PTPRB: variants seen among roughly 807,000 people sequenced by gnomAD.
The protein encoded by PTPRB is receptor-type tyrosine-protein phosphatase beta.
In PTPRB, 97 loss-of-function variants were observed where a neutral mutation model predicts 238.1. The observed-to-expected ratio is 0.41, with a 90% CI of 0.35 to 0.48. PTPRB has a LOEUF of 0.48. Ranked by LOEUF, PTPRB falls within the 20% of genes least tolerant of loss-of-function variation. The probability of loss-of-function intolerance (pLI) is 0.30; values close to 1 mark genes in which losing one functional copy is unlikely to be tolerated. For synonymous variants in PTPRB, 970 were observed against 995.4 expected (o/e 0.97, Z 0.48); for missense variants, 2,292 against 2,681.9 (o/e 0.85, Z 3.21).
intron 7 of PTPRB, 28 bp downstream of exon 7, chr12:70,592,253 CA>C: frequency 1.2e-6 from 2 of 1,613,798 alleles, no homozygotes; most frequent in Non-Finnish European, 1.7e-6. Flanking sequence ...TTTGAGCAAC[CA>C]AGGAACATTC....
At chr12:70,623,999 A>G (rs1885062189) in intron 2 of PTPRB, among the ~76,000 whole-genome samples, 1 of 152,220 alleles carries the variant, frequency 6.6e-6, no homozygotes, top group Non-Finnish European at 1.5e-5. Context: ...CAAGATATAA[A>G]TATCAGCAGT....
chr12:70,528,248 C>T (rs1223386122), intron 32 of PTPRB, among the ~76,000 whole-genome samples: 3 of 152,088 alleles, frequency 2.0e-5, no homozygotes, highest in African/African-American at 2.4e-5. Context: ...GTGGCTAGTA[C>T]GATGACATGA....
chr12:70,530,763 A>AGAT (rs1873117589), intron 32 of PTPRB, among the ~76,000 whole-genome samples: 1 of 152,104 alleles, frequency 6.6e-6, no homozygotes, highest in South Asian at 2.1e-4. Flanking sequence ...TTTTTTGTGG[A>AGAT]GATGGGCTCT....
chr12:70,565,150 T>C (rs1879121784), intron 15 of PTPRB, among the ~76,000 whole-genome samples: 1 of 152,186 alleles, frequency 6.6e-6, no homozygotes, highest in African/African-American at 2.4e-5. Context: ...TCTCCTCACT[T>C]CTGGTTCATT....
rs1449431990 is a variant in PTPRB at position 70,534,527 on chromosome 12, T to G, written c.6329A>C (p.Asn2110Thr). ...QFVRTVRDYI[N>T]RSPGAGPTVV... ...AGTGGGCCCAGCACCCGGGCTTCTG[T>G]TGATGTAGTCCCTGACAGTTCTCAC... The change falls in exon 31 of 34, where the codon AAC becomes ACC. Residue 2110 changes from asparagine to threonine, a missense_variant. Physicochemically the swap from Asn to Thr is moderately conservative, Grantham distance 65 (BLOSUM62 0). Coordinates refer to ENST00000334414, the MANE Select transcript of PTPRB (RefSeq NM_001109754.4). 32 of 1,613,258 alleles carry G rather than the reference T, an allele frequency of 2.0e-5. No homozygotes were observed. Among genetic ancestry groups the G allele is most frequent in the Non-Finnish European group, 2.5e-5 (30 of 1,179,746 alleles).
chr12:70,525,417 T>C (rs1045635157), intron 32 of PTPRB: 1 of 152,204 alleles, frequency 6.6e-6, no homozygotes, highest in Non-Finnish European at 1.5e-5. Flanking sequence ...GTTAGTTCTT[T>C]GAGTGCAAGG....
intron 2 of PTPRB, among the ~76,000 whole-genome samples, chr12:70,625,888 G>T (rs564328291): frequency 1.3e-4 from 20 of 152,208 alleles, no homozygotes; most frequent in African/African-American, 4.6e-4. Flanking sequence ...CATTTAAGTT[G>T]CATAAAGCTC....
intron 29 of PTPRB, among the ~76,000 whole-genome samples, chr12:70,535,541 A>G (rs536890593): frequency 4.6e-5 from 7 of 152,212 alleles, no homozygotes; most frequent in Non-Finnish European, 7.4e-5. Flanking sequence ...CTCTCTTTTA[A>G]TCCTCAATCT....
intron 23 of PTPRB, chr12:70,540,230 T>C (rs1874848004): frequency 4.2e-6 from 2 of 478,644 alleles, no homozygotes; most frequent in Non-Finnish European, 7.3e-6. Flanking sequence ...CTGCAAAAAC[T>C]GAAGATTTGT....
chr12:70,635,708 C>T lies in PTPRB; in HGVS notation c.414G>A (p.Glu138=), dbSNP rs764689125. Residue 138 remains glutamate (E), a synonymous_variant, in exon 2 of 34, where the codon GAG becomes GAA. Coordinates refer to ENST00000334414, the MANE Select transcript of PTPRB (RefSeq NM_001109754.4). ...HSWMKIDVNK[E]GKLVNESLCL... is the part of the protein sequence containing the mutation. ...AGAGGCTTTCATTGACCAGTTTTCCCTCCTTGTTGACATCTATTTTCATCC... is the reference window on the plus strand; with the variant it reads ...AGAGGCTTTCATTGACCAGTTTTCCTTCCTTGTTGACATCTATTTTCATCC... 2 of 1,613,936 alleles carry T rather than the reference C, an allele frequency of 1.2e-6. No homozygotes were observed. Among genetic ancestry groups the T allele is most frequent in the South Asian group, 2.2e-5 (2 of 91,076 alleles).
chr12:70,529,062 C>CAAAG (rs1360889479), intron 32 of PTPRB, among the ~76,000 whole-genome samples: 2 of 151,808 alleles, frequency 1.3e-5, no homozygotes, highest in East Asian at 1.9e-4. Context: ...GAGAATATCA[C>CAAAG]AAAGAATGAA....
intron 4 of PTPRB, among the ~76,000 whole-genome samples, chr12:70,607,760 C>T (rs976153994): frequency 6.6e-6 from 1 of 151,820 alleles, no homozygotes; most frequent in Non-Finnish European, 1.5e-5. Flanking sequence ...GCCATGTTGA[C>T]CAAGGTGGTC....
At chr12:70,540,062 A>G in intron 23 of PTPRB, 40 bp from the exon 24 acceptor site, 2 of 1,515,094 alleles carry the variant, frequency 1.3e-6, no homozygotes, top group Non-Finnish European at 1.8e-6. Context: ...TGATTATGAT[A>G]CTTGGCTTGA....
chr12:70,560,189 G>A lies in PTPRB; in HGVS notation c.4432+482C>T, dbSNP rs1878301829. Among the ~76,000 whole-genome samples, 1 of 152,142 alleles carries A rather than the reference G, an allele frequency of 6.6e-6. No individual in the cohort carries two copies. Among genetic ancestry groups the A allele is most frequent in the African/African-American group, 2.4e-5 (1 of 41,434 alleles). On this transcript the variant is annotated intron_variant, in intron 17 of 33. Coordinates refer to ENST00000334414, the MANE Select transcript of PTPRB (RefSeq NM_001109754.4). The surrounding 1 kb of genome is among the most constrained non-coding windows in gnomAD (Gnocchi z 4.2). Reference sequence around the variant, plus strand: ...GCCAGATCTTCCTTACCATGGTGCTGTGGAGCATGAGTGTGCCCTGAATGG... The same window carrying A: ...GCCAGATCTTCCTTACCATGGTGCTATGGAGCATGAGTGTGCCCTGAATGG...
chr12:70,617,376 C>T (rs1423316654), intron 3 of PTPRB, among the ~76,000 whole-genome samples: 1 of 152,164 alleles, frequency 6.6e-6, no homozygotes, highest in Admixed American at 6.5e-5. Context: ...TATGTTATTT[C>T]CCAAGTGGCC....
chr12:70,594,524 T>A lies in PTPRB; in HGVS notation c.1459A>T (p.Thr487Ser). The change falls in exon 6 of 34, where the codon ACT becomes TCT. Residue 487 changes from threonine (T) to serine (S), a missense_variant. Thr to Ser is a moderately conservative substitution (Grantham distance 58). Around this residue, in one of 4 missense-constraint regions of PTPRB, gnomAD observed 1,205 missense variants for 1,287.8 expected, o/e 0.94. Coordinates refer to ENST00000334414, the MANE Select transcript of PTPRB (RefSeq NM_001109754.4). ...AGCCCTGCAGCCTCAGTCATAACAGTGAGGTTGTAGAGGTAGCCAGGGGTC... is the reference window on the plus strand; with the variant it reads ...AGCCCTGCAGCCTCAGTCATAACAGAGAGGTTGTAGAGGTAGCCAGGGGTC... ...GLTPGYLYNL[T>S]VMTEAAGLQN... The A allele has an allele frequency of 6.2e-7, 1 of 1,613,768 alleles. No individual in the cohort carries two copies. The highest frequency in any genetic ancestry group is 1.7e-5 in the Admixed American group (1 of 60,006).
chr12:70,570,926 C>G, intron 13 of PTPRB, 100 bp downstream of exon 13: 1 of 1,310,330 alleles, frequency 7.6e-7, no homozygotes, highest in East Asian at 2.4e-5. Context: ...TTGCTGTCTC[C>G]CTTTTATCCC....
intron 3 of PTPRB, among the ~76,000 whole-genome samples, chr12:70,612,594 G>A (rs1592592824): frequency 1.3e-5 from 2 of 152,072 alleles, no homozygotes; most frequent in South Asian, 2.1e-4. Flanking sequence ...CTTGCCACCA[G>A]GAAACCTTTC....
chr12:70,579,250 G>C (rs1378053285), intron 10 of PTPRB, among the ~76,000 whole-genome samples: 1 of 152,140 alleles, frequency 6.6e-6, no homozygotes. Context: ...AAACACAGAA[G>C]CTTAGGGAAA....
Sources: allele counts gnomAD v4.1 joint callset (sites outside exome capture counted in the v4.1 genomes callset), GRCh38; gene constraint gnomAD v4.1.1; regional missense constraint gnomAD v4.1.1; non-coding constraint Gnocchi (gnomAD v3.1); transcripts MANE v1.5; gene names NCBI Gene and HGNC (gene_info 2026-07-23, HGNC 2026-07-21).